Variants in NFIB observed in about 807,000 individuals in gnomAD.
The protein encoded by NFIB is nuclear factor I B.
A neutral mutation model predicts 61.5 loss-of-function variants in NFIB; 11 were observed. The observed-to-expected ratio is 0.18, with a 90% CI of 0.11 to 0.30. The LOEUF is 0.30. Ranked by LOEUF, NFIB falls within the 10% of genes least tolerant of loss-of-function variation. The pLI, the probability that NFIB is intolerant of heterozygous loss-of-function variation, is 1.00. For missense variants in NFIB, 471 were observed against 608.9 expected (o/e 0.77, Z 2.38); for synonymous variants, 260 against 216.5 (o/e 1.20, Z -1.76).
intron 3 of NFIB, among the ~76,000 whole-genome samples, chr9:14,158,359 C>A (rs2131244841): frequency 6.6e-6 from 1 of 152,276 alleles, no homozygotes; most frequent in East Asian, 1.9e-4. Flanking sequence ...TCCTCCAACT[C>A]CTTCTACCAC....
At chr9:14,241,958 A>G (rs1318723897) in intron 2 of NFIB, among the ~76,000 whole-genome samples, 1 of 152,200 alleles carries the variant, frequency 6.6e-6, no homozygotes, top group Non-Finnish European at 1.5e-5. Context: ...TTTATAAATT[A>G]TCCTGTCTCA....
the NFIB span, among the ~76,000 whole-genome samples, chr9:14,469,797 C>T: frequency 6.6e-5 from 10 of 152,172 alleles, no homozygotes; most frequent in African/African-American, 2.2e-4. Flanking sequence ...CTGGGGAGGT[C>T]TCCAACTCAA....
the NFIB span, among the ~76,000 whole-genome samples, chr9:14,410,486 A>C: frequency 6.6e-6 from 1 of 152,190 alleles, no homozygotes; most frequent in African/African-American, 2.4e-5. Flanking sequence ...GAGATTTGGG[A>C]AGAGTTACAG....
intron 7 of NFIB, among the ~76,000 whole-genome samples, chr9:14,124,207 C>T (rs1276174565): frequency 6.6e-6 from 1 of 152,118 alleles, no homozygotes; most frequent in Non-Finnish European, 1.5e-5. Flanking sequence ...ATACTGTCTA[C>T]TTTTTTTCAC....
At chr9:14,245,859 C>T (rs1285462537) in intron 2 of NFIB, among the ~76,000 whole-genome samples, 3 of 151,774 alleles carry the variant, frequency 2.0e-5, no homozygotes, top group East Asian at 1.9e-4. Flanking sequence ...GGTGACAGAG[C>T]GAGACTCTGT....
chr9:14,186,672 C>G (rs2047365617), intron 2 of NFIB, among the ~76,000 whole-genome samples: 1 of 152,086 alleles, frequency 6.6e-6, no homozygotes, highest in Non-Finnish European at 1.5e-5. Flanking sequence ...TTCTACCTCA[C>G]TCTTTGCAGT....
chr9:14,382,558 C>G (rs574723914), intron 1 of NFIB, among the ~76,000 whole-genome samples: 20 of 152,196 alleles, frequency 1.3e-4, no homozygotes, highest in Middle Eastern at 3.4e-3. Flanking sequence ...TTGTTTGGAA[C>G]TACCATTTTG....
At chr9:14,300,210 T>C (rs1254811297) in intron 2 of NFIB, 19 of 398,416 alleles carry the variant, frequency 4.8e-5, no homozygotes, top group Admixed American at 2.2e-4. Context: ...AAAGTGAGCA[T>C]GATCAGAAGG....
At chr9:14,280,140 T>A (rs1201270707) in intron 2 of NFIB, among the ~76,000 whole-genome samples, 1 of 152,190 alleles carries the variant, frequency 6.6e-6, no homozygotes, top group Non-Finnish European at 1.5e-5. Context: ...AGGAGGTTAG[T>A]CCTATCCTGG....
At chr9:14,518,038 G>A in the NFIB span, among the ~76,000 whole-genome samples, 2 of 152,140 alleles carry the variant, frequency 1.3e-5, no homozygotes, top group East Asian at 3.9e-4. Flanking sequence ...AGCCTGCCTT[G>A]TTCATACAGC....
At chr9:14,263,527 G>T (rs1006702501) in intron 2 of NFIB, among the ~76,000 whole-genome samples, 1 of 152,180 alleles carries the variant, frequency 6.6e-6, no homozygotes, top group Non-Finnish European at 1.5e-5. Context: ...AGTGGAGAGA[G>T]TTCAAGTGCA....
In NFIB at chr9:14,084,806, T is replaced by C. The variant is rs2032591178; in HGVS notation, c.*3503A>G. On this transcript the variant is annotated 3_prime_UTR_variant, in exon 11 of 11. Transcript: ENST00000380953. ...AGGCCGAAAAGTTGATTTGAGATTTTATATATATAGTAGTACTTTTAATAG... is the reference window on the plus strand; with the variant it reads ...AGGCCGAAAAGTTGATTTGAGATTTCATATATATAGTAGTACTTTTAATAG... The C allele has an allele frequency of 1.3e-5, 3 of 228,380 alleles. No individual in the cohort carries two copies. The highest frequency in any genetic ancestry group is 2.6e-5 in the Non-Finnish European group (3 of 115,060). The allele number at this position is 228,380 out of a possible 1,614,324, so 14.1% of individuals were successfully genotyped here.
At chr9:14,262,923 G>GA (rs890414458) in intron 2 of NFIB, among the ~76,000 whole-genome samples, 6 of 151,016 alleles carry the variant, frequency 4.0e-5, no homozygotes, top group African/African-American at 1.2e-4. Context: ...ATTTCCAAAG[G>GA]AAAAAAAAAT....
chr9:14,449,701 G>A, the NFIB span, among the ~76,000 whole-genome samples: 10 of 152,086 alleles, frequency 6.6e-5, no homozygotes, highest in East Asian at 5.8e-4. Flanking sequence ...AGGCTGAGGC[G>A]GGTGGATCAC....
intron 4 of NFIB, among the ~76,000 whole-genome samples, chr9:14,153,562 C>T (rs78531414): frequency 0.017 from 2,566 of 152,162 alleles, 60 homozygotes; most frequent in African/African-American, 0.059. Context: ...TTATTGTTCT[C>T]CTCACTCCAA....
At chr9:14,290,848 T>G (rs192500149) in intron 2 of NFIB, among the ~76,000 whole-genome samples, 13 of 152,204 alleles carry the variant, frequency 8.5e-5, no homozygotes, top group African/African-American at 3.1e-4. Flanking sequence ...ATAACTTGCA[T>G]GCATTCATCC....
chr9:14,134,694 C>T (rs1269874595), intron 6 of NFIB, among the ~76,000 whole-genome samples: 2 of 151,812 alleles, frequency 1.3e-5, no homozygotes, highest in African/African-American at 2.4e-5. Context: ...GTCAGGAGTT[C>T]GAGACCAGCC....
At chr9:14,367,030 C>T (rs1230988791) in intron 1 of NFIB, among the ~76,000 whole-genome samples, 1 of 152,116 alleles carries the variant, frequency 6.6e-6, no homozygotes, top group Non-Finnish European at 1.5e-5. Context: ...TAACACTTAT[C>T]AACAAATTAT....
At chr9:14,493,019 C>T in the NFIB span, among the ~76,000 whole-genome samples, 4 of 152,164 alleles carry the variant, frequency 2.6e-5, no homozygotes, top group Non-Finnish European at 4.4e-5. Flanking sequence ...GGCTTTAGCC[C>T]GTGATGCTGT....
Sources: gnomAD v4.1 joint callset for allele counts (sites outside exome capture counted in the v4.1 genomes callset) on GRCh38, gnomAD v4.1.1 for gene constraint, MANE v1.5 for transcripts, NCBI Gene and HGNC (gene_info 2026-07-23, HGNC 2026-07-21) for gene names.